CORIN: variants seen among roughly 807,000 people sequenced by gnomAD.
CORIN encodes the protein corin, serine peptidase, also known as atrial natriuretic peptide-converting enzyme.
CORIN carries 117 observed loss-of-function variants against 125.3 expected under a neutral mutation model. The observed-to-expected ratio is 0.93, with a 90% CI of 0.80 to 1.09. The LOEUF is 1.09. Ranked by LOEUF, CORIN falls within the 50% of genes least tolerant of loss-of-function variation. The pLI is 0.00. For missense variants in CORIN, 1,253 were observed against 1,306.7 expected, an observed-to-expected ratio of 0.96 and a Z score of 0.63; for synonymous variants, 450 against 466.4, an observed-to-expected ratio of 0.96 and a Z score of 0.45.
intron 16 of CORIN, among the ~76,000 whole-genome samples, chr4:47,632,721 T>C (rs1487469509): frequency 3.3e-5 from 3 of 92,238 alleles, no homozygotes; most frequent in Non-Finnish European, 6.6e-5. Flanking sequence ...TAACTGACAA[T>C]AGATGATAGA....
At chr4:47,606,292 A>G (rs779412211) in intron 19 of CORIN, among the ~76,000 whole-genome samples, 49 of 151,904 alleles carry the variant, frequency 3.2e-4, no homozygotes, top group Non-Finnish European at 8.8e-5. Context: ...TTGCTCTGTC[A>G]CCCAGGTTGG....
chr4:47,679,337 T>C lies in CORIN; in HGVS notation c.1132+804A>G, dbSNP rs60315499. ...TTCATTCACACAGAAACACAACAGTTTATAAATTTATATTATTACTACGTT... is the reference window on the plus strand; with the variant it reads ...TTCATTCACACAGAAACACAACAGTCTATAAATTTATATTATTACTACGTT... On this transcript the variant is annotated intron_variant, in intron 8 of 21. Coordinates refer to ENST00000273857, the MANE Select transcript of CORIN (RefSeq NM_006587.4). Among the ~76,000 whole-genome samples the C allele has an allele frequency of 1.8e-3, 277 of 152,082 alleles. 4 individuals carry two copies. The highest frequency in any genetic ancestry group is 6.2e-3 in the African/African-American group (258 of 41,502).
intron 4 of CORIN, among the ~76,000 whole-genome samples, chr4:47,752,204 T>C (rs1728934610): frequency 6.6e-6 from 1 of 152,182 alleles, no homozygotes; most frequent in African/African-American, 2.4e-5. Context: ...TCCATTCCCC[T>C]GCTTTGCTAT....
rs113676319 is a variant in CORIN, at chr4:47,789,743, G to A, written c.209-2818C>T. On this transcript the variant is annotated intron_variant, in intron 2 of 21. Coordinates refer to ENST00000273857, the MANE Select transcript of CORIN (RefSeq NM_006587.4). ...TGAGCTATAAAAATGCTAAGAGGCC[G>A]GGCGCGGTGGCTCACGCCTGTAATC... Among the ~76,000 whole-genome samples the A allele has an allele frequency of 8.9e-3, 1,354 of 152,256 alleles. 24 individuals are homozygous for A. The highest frequency in any genetic ancestry group is 0.031 in the African/African-American group (1,272 of 41,540).
chr4:47,798,422 C>T (rs1320293740), intron 2 of CORIN, among the ~76,000 whole-genome samples: 1 of 152,124 alleles, frequency 6.6e-6, no homozygotes, highest in African/African-American at 2.4e-5. Flanking sequence ...CTCAGCATCC[C>T]TTAGCAACCC....
chr4:47,812,828 A>C (rs999344865), intron 1 of CORIN, among the ~76,000 whole-genome samples: 3 of 152,380 alleles, frequency 2.0e-5, no homozygotes, highest in Admixed American at 2.0e-4. Context: ...TGAATAAATG[A>C]ATTAATTAAA....
intron 1 of CORIN, among the ~76,000 whole-genome samples, chr4:47,808,188 T>C (rs1453948576): frequency 2.0e-5 from 3 of 152,064 alleles, no homozygotes; most frequent in South Asian, 4.1e-4. Context: ...GGGAGTGGAG[T>C]CCAAAGACTC....
intron 6 of CORIN, among the ~76,000 whole-genome samples, chr4:47,689,164 T>A (rs1366379937): frequency 1.3e-5 from 2 of 151,962 alleles, no homozygotes; most frequent in Non-Finnish European, 2.9e-5. Flanking sequence ...TGGGTGGGAG[T>A]GGAGGAACAA....
intron 19 of CORIN, among the ~76,000 whole-genome samples, chr4:47,606,283 T>C (rs13150459): frequency 0.54 from 81,452 of 151,778 alleles, 22,609 homozygotes; most frequent in East Asian, 0.76. Flanking sequence ...GTCAGGGTCT[T>C]GCTCTGTCAC....
intron 3 of CORIN, among the ~76,000 whole-genome samples, chr4:47,768,074 CT>C (rs1304405520): frequency 6.6e-6 from 1 of 152,196 alleles, no homozygotes; most frequent in Non-Finnish European, 1.5e-5. Context: ...GAAATTCCTT[CT>C]CCTGGCTCAC....
At chr4:47,727,540 AAAGT>A (rs1224844682) in intron 5 of CORIN, among the ~76,000 whole-genome samples, 1 of 152,144 alleles carries the variant, frequency 6.6e-6, no homozygotes, top group Non-Finnish European at 1.5e-5. Flanking sequence ...AAAGTTTTTT[AAAGT>A]AATAATTTCC....
chr4:47,801,679 C>T (rs1223523110), intron 2 of CORIN, among the ~76,000 whole-genome samples: 1 of 152,226 alleles, frequency 6.6e-6, no homozygotes, highest in Non-Finnish European at 1.5e-5. Context: ...TGCCCTGTCA[C>T]AGCAGAAAGC....
intron 3 of CORIN, among the ~76,000 whole-genome samples, chr4:47,775,496 G>A (rs1730257194): frequency 6.6e-6 from 1 of 152,108 alleles, no homozygotes; most frequent in Non-Finnish European, 1.5e-5. Context: ...GCGATAGTTT[G>A]CTGAGAATAA....
chr4:47,818,202 C>T (rs893342953), intron 1 of CORIN, among the ~76,000 whole-genome samples: 7 of 152,072 alleles, frequency 4.6e-5, no homozygotes, highest in Admixed American at 2.6e-4. Context: ...GACTAAACTA[C>T]TAAATTAGAG....
chr4:47,715,463 C>CGA (rs10676455), intron 5 of CORIN, among the ~76,000 whole-genome samples: 15,099 of 152,050 alleles, frequency 0.099, 882 homozygotes, highest in East Asian at 0.27. Flanking sequence ...AAAAATTAGC[C>CGA]GTGTGGTGGC....
chr4:47,704,208 T>C (rs1726443782), intron 5 of CORIN, among the ~76,000 whole-genome samples: 1 of 151,980 alleles, frequency 6.6e-6, no homozygotes, highest in Admixed American at 6.6e-5. Context: ...CCACACAGAC[T>C]AAACCTAACA....
At chr4:47,762,133 T>C (rs1418171095) in intron 4 of CORIN, among the ~76,000 whole-genome samples, 1 of 152,196 alleles carries the variant, frequency 6.6e-6, no homozygotes, top group African/African-American at 2.4e-5. Flanking sequence ...TATATGTGTA[T>C]GTGTAGTATT....
intron 1 of CORIN, among the ~76,000 whole-genome samples, chr4:47,833,203 A>G (rs1733147429): frequency 6.6e-6 from 1 of 152,220 alleles, no homozygotes; most frequent in African/African-American, 2.4e-5. Context: ...TATGGTACTC[A>G]TATGAAAACA....
At chr4:47,623,117 T>TATATATATATATATATACACACAC (rs141525347) in intron 19 of CORIN, among the ~76,000 whole-genome samples, 4 of 134,548 alleles carry the variant, frequency 3.0e-5, no homozygotes, top group East Asian at 2.3e-4. Context: ...TATATATATA[T>TATATATATATATATATACACACAC]ACACACACAC....
Sources: gnomAD v4.1 joint callset for allele counts (sites outside exome capture counted in the v4.1 genomes callset) on GRCh38, gnomAD v4.1.1 for gene constraint, MANE v1.5 for transcripts, NCBI Gene and HGNC (gene_info 2026-07-23, HGNC 2026-07-21) for gene names.